Variants in LHFPL3 observed in about 807,000 individuals in gnomAD.
The protein encoded by LHFPL3 is LHFPL tetraspan subfamily member 3 protein.
A neutral mutation model predicts 19.3 loss-of-function variants in LHFPL3; 5 were observed. The observed-to-expected ratio is 0.26, with a 90% confidence interval of 0.14 to 0.54. The LOEUF is 0.54. Ranked by LOEUF, LHFPL3 falls within the 20% of genes least tolerant of loss-of-function variation. The pLI is 0.94. For missense variants in LHFPL3, 249 were observed against 307.4 expected (o/e 0.81, Z 1.42); for synonymous variants, 133 against 126.2 (o/e 1.05, Z -0.36).
chr7:104,357,015 C>T (rs950102078), intron 1 of LHFPL3, among the ~76,000 whole-genome samples: 2 of 132,452 alleles, frequency 1.5e-5, no homozygotes, highest in Non-Finnish European at 3.2e-5. Flanking sequence ...AATTTGGGGA[C>T]TTGGGGTCCC....
chr7:104,682,554 C>T (rs1792725375), intron 1 of LHFPL3, among the ~76,000 whole-genome samples: 1 of 152,172 alleles, frequency 6.6e-6, no homozygotes, highest in South Asian at 2.1e-4. Context: ...CCAACTCCTA[C>T]AATAATGGTA....
At chr7:104,690,441 T>A (rs558752757) in intron 1 of LHFPL3, among the ~76,000 whole-genome samples, 4 of 152,256 alleles carry the variant, frequency 2.6e-5, no homozygotes, top group Non-Finnish European at 5.9e-5. Context: ...TTCGCAAAGA[T>A]CTTGATCACT....
intron 2 of LHFPL3, among the ~76,000 whole-genome samples, chr7:104,874,948 G>C (rs912324851): frequency 6.6e-5 from 10 of 151,490 alleles, no homozygotes; most frequent in Non-Finnish European, 1.5e-4. Flanking sequence ...CCAGGCTCAA[G>C]TGATCCTCCT....
intron 1 of LHFPL3, among the ~76,000 whole-genome samples, chr7:104,558,707 G>C (rs1448583227): frequency 6.6e-6 from 1 of 150,586 alleles, no homozygotes; most frequent in African/African-American, 2.5e-5. Context: ...GTTAATTTTG[G>C]CTTTTGTTGC....
At chr7:104,509,767 A>G (rs576365535) in intron 1 of LHFPL3, among the ~76,000 whole-genome samples, 2 of 152,224 alleles carry the variant, frequency 1.3e-5, no homozygotes, top group East Asian at 3.9e-4. Flanking sequence ...AAAATAAAAT[A>G]AAAGACATAC....
intron 1 of LHFPL3, among the ~76,000 whole-genome samples, chr7:104,597,413 T>C (rs1431760216): frequency 6.6e-6 from 1 of 152,226 alleles, no homozygotes; most frequent in Non-Finnish European, 1.5e-5. Flanking sequence ...AGATGCATCT[T>C]TAAACTGATC....
chr7:104,888,384 G>A (rs963847977), intron 2 of LHFPL3, among the ~76,000 whole-genome samples: 3 of 152,086 alleles, frequency 2.0e-5, no homozygotes, highest in African/African-American at 4.8e-5. Flanking sequence ...AATTTAAATT[G>A]CCAGGTGTTG....
intron 1 of LHFPL3, among the ~76,000 whole-genome samples, chr7:104,594,029 G>T (rs573301319): frequency 6.6e-6 from 1 of 152,050 alleles, no homozygotes; most frequent in Non-Finnish European, 1.5e-5. Flanking sequence ...GCATTTAGCC[G>T]ATTTACATTC....
intron 1 of LHFPL3, among the ~76,000 whole-genome samples, chr7:104,577,438 T>A (rs936286752): frequency 6.6e-6 from 1 of 152,176 alleles, no homozygotes; most frequent in Non-Finnish European, 1.5e-5. Flanking sequence ...ACAGTGTTAA[T>A]CCTGTTAGTG....
At chr7:104,841,437 A>AATG (rs10623764) in intron 2 of LHFPL3, among the ~76,000 whole-genome samples, 150,884 of 151,832 alleles carry the variant, frequency 0.99, 74,976 homozygotes, top group East Asian at 1. Context: ...TGGAAAATTG[A>AATG]ATGATCAAAC....
In LHFPL3 at chr7:104,466,108, T is replaced by G. The variant is rs75377756; in HGVS notation, c.445+136884T>G. ...TTTGTCCAATGTTAAGTTCAGGTCC[T>G]GAATATCTTTGTTAATTTTCTCCCT... On this transcript the variant is annotated intron_variant, in intron 1 of 2. Transcript: ENST00000424859. Among the ~76,000 whole-genome samples, 89 of 152,344 alleles carry G rather than the reference T, an allele frequency of 5.8e-4. 1 individual carries two copies. In the East Asian group the frequency reaches 8.5e-3, roughly 15 times the overall value.
intron 2 of LHFPL3, among the ~76,000 whole-genome samples, chr7:104,866,943 C>T (rs949299113): frequency 6.6e-6 from 1 of 152,184 alleles, no homozygotes; most frequent in South Asian, 2.1e-4. Context: ...TGCTCAACTA[C>T]ATGGAAACTG....
chr7:104,678,065 A>G (rs994028135), intron 1 of LHFPL3, among the ~76,000 whole-genome samples: 2 of 152,222 alleles, frequency 1.3e-5, no homozygotes, highest in Admixed American at 1.3e-4. Flanking sequence ...TAGGATCCTC[A>G]GCATTTTCCT....
At chr7:104,761,417 T>C (rs1174569666) in intron 2 of LHFPL3, among the ~76,000 whole-genome samples, 1 of 151,992 alleles carries the variant, frequency 6.6e-6, no homozygotes, top group East Asian at 1.9e-4. Context: ...CAAAGACATG[T>C]TTTGAGCAAA....
chr7:104,869,917 A>T (rs1334090267), intron 2 of LHFPL3, among the ~76,000 whole-genome samples: 1 of 152,236 alleles, frequency 6.6e-6, no homozygotes, highest in Non-Finnish European at 1.5e-5. Flanking sequence ...AGCCATAAAA[A>T]ATGATGAGTT....
intron 2 of LHFPL3, among the ~76,000 whole-genome samples, chr7:104,848,872 G>A (rs1791362475): frequency 6.6e-6 from 1 of 152,090 alleles, no homozygotes. Context: ...TGGTGATGAT[G>A]AGAACTCTGC....
chr7:104,674,931 T>C (rs1174796622), intron 1 of LHFPL3, among the ~76,000 whole-genome samples: 4 of 152,124 alleles, frequency 2.6e-5, no homozygotes, highest in Non-Finnish European at 5.9e-5. Context: ...AGAAAAGAAA[T>C]ACAGAAGTAT....
intron 1 of LHFPL3, among the ~76,000 whole-genome samples, chr7:104,392,900 C>T (rs1791106295): frequency 6.6e-6 from 1 of 152,156 alleles, no homozygotes; most frequent in African/African-American, 2.4e-5. Flanking sequence ...TCAACTTCTT[C>T]CTGGTTTAGT....
Position 104,328,800 on chromosome 7 carries a change from T to TGCC in LHFPL3, c.39_41dup (p.Ala14dup), listed in dbSNP as rs745895032. 427 of 1,592,070 alleles carry TGCC rather than the reference T, an allele frequency of 2.7e-4. No individual in the cohort carries two copies. Among genetic ancestry groups the TGCC allele is most frequent in the African/African-American group, 4.7e-4 (34 of 72,526 alleles). Reference sequence around the variant, plus strand: ...GGAGAATGCCCGGAGCCGCCGCCGCTGCCGCCGCCGCCGCCGCCGCGATGC... The same window carrying TGCC: ...GGAGAATGCCCGGAGCCGCCGCCGCTGCCGCCGCCGCCGCCGCCGCCGCGATGC... On this transcript the variant is annotated inframe_insertion, in exon 1 of 3. Transcript: ENST00000424859. This position sits in a 1 kb window ranked among gnomAD's most constrained non-coding sequence, Gnocchi z 4.6.
Sources: allele counts gnomAD v4.1 joint callset (sites outside exome capture counted in the v4.1 genomes callset), GRCh38; gene constraint gnomAD v4.1.1; non-coding constraint Gnocchi (gnomAD v3.1); transcripts MANE v1.5; gene names NCBI Gene and HGNC (gene_info 2026-07-23, HGNC 2026-07-21).